TEX36: variants seen among roughly 807,000 people sequenced by gnomAD.
The protein encoded by TEX36 is testis-expressed protein 36.
In TEX36, 12 loss-of-function variants were observed where a neutral mutation model predicts 13.6. The ratio of observed to expected loss-of-function variants is 0.88; its 90% CI spans 0.56 to 1.43. The LOEUF (loss-of-function observed/expected upper bound fraction) is 1.43, where lower values mean the gene tolerates loss of function less well. Among genes scored for constraint, TEX36 ranks in the 40% most tolerant of loss-of-function variants. The pLI is 0.00. For missense variants in TEX36, 224 were observed against 228.3 expected (o/e 0.98, Z 0.12); for synonymous variants, 93 against 83.0 (o/e 1.12, Z -0.65).
intron 3 of TEX36, among the ~76,000 whole-genome samples, chr10:125,629,162 A>G (rs1457686765): frequency 6.6e-6 from 1 of 152,236 alleles, no homozygotes; most frequent in Non-Finnish European, 1.5e-5. Context: ...CATAACTGCA[A>G]TTAAGCTGGG....
At chr10:125,612,383 C>A (rs1846301979) in intron 3 of TEX36, among the ~76,000 whole-genome samples, 1 of 152,168 alleles carries the variant, frequency 6.6e-6, no homozygotes, top group African/African-American at 2.4e-5. Flanking sequence ...CGAACCCCAG[C>A]ACCCATCAAA....
intron 1 of TEX36, among the ~76,000 whole-genome samples, chr10:125,676,440 T>C (rs1191307826): frequency 6.6e-6 from 1 of 152,262 alleles, no homozygotes; most frequent in African/African-American, 2.4e-5. Flanking sequence ...TGTGCACTTT[T>C]GTTTTCCATT....
intron 3 of TEX36, among the ~76,000 whole-genome samples, chr10:125,606,911 G>A (rs1239206932): frequency 6.6e-6 from 1 of 152,150 alleles, no homozygotes; most frequent in Non-Finnish European, 1.5e-5. Context: ...TACTTGCAAG[G>A]ATAGTATCAC....
chr10:125,669,224 G>T (rs1847178284), intron 1 of TEX36, among the ~76,000 whole-genome samples: 1 of 152,172 alleles, frequency 6.6e-6, no homozygotes, highest in African/African-American at 2.4e-5. Flanking sequence ...CCAGGAGGCG[G>T]AGGTTGCAGT....
chr10:125,640,046 C>T (rs1289249400), intron 3 of TEX36: 6 of 495,028 alleles, frequency 1.2e-5, no homozygotes, highest in Middle Eastern at 1.0e-3. Flanking sequence ...CGTAGTATTC[C>T]GCTGTGGTCA....
At chr10:125,619,633 C>T (rs895351841), downstream of TEX36, among the ~76,000 whole-genome samples, 5 of 152,158 alleles carry the variant, frequency 3.3e-5, no homozygotes, top group Non-Finnish European at 5.9e-5. Context: ...TCGCTGCAAC[C>T]TCCGCCTCCC....
At chr10:125,585,241 T>C (rs1000995943) in intron 3 of TEX36, among the ~76,000 whole-genome samples, 14 of 152,180 alleles carry the variant, frequency 9.2e-5, no homozygotes, top group South Asian at 2.1e-4. Context: ...AGCTATACCA[T>C]GGACGAGTTC....
At chr10:125,668,348 A>G (rs1337359294) in intron 1 of TEX36, among the ~76,000 whole-genome samples, 8 of 151,752 alleles carry the variant, frequency 5.3e-5, no homozygotes, top group Admixed American at 5.2e-4. Context: ...CTCACTATTC[A>G]GCATTGCTCT....
chr10:125,661,733 T>C, intron 2 of TEX36, 113 bp downstream of exon 2: 5 of 1,385,892 alleles, frequency 3.6e-6, no homozygotes, highest in Non-Finnish European at 3.9e-6. Context: ...GGTCCAAGGA[T>C]AGTAAATGCG....
At chr10:125,628,919 C>T (rs772202955) in intron 3 of TEX36, among the ~76,000 whole-genome samples, 1 of 152,130 alleles carries the variant, frequency 6.6e-6, no homozygotes, top group South Asian at 2.1e-4. Flanking sequence ...GAGTTTCATG[C>T]TTTATATCCA....
intron 3 of TEX36, among the ~76,000 whole-genome samples, chr10:125,594,467 T>C (rs4962312): frequency 0.44 from 66,792 of 152,048 alleles, 14,898 homozygotes; most frequent in East Asian, 0.62. Context: ...TTCAAGATAG[T>C]GGAAGCAGCT....
chr10:125,653,237 C>T (rs1269532523), downstream of TEX36, among the ~76,000 whole-genome samples: 1 of 152,182 alleles, frequency 6.6e-6, no homozygotes, highest in Admixed American at 6.5e-5. Flanking sequence ...GGAACCAACC[C>T]AAATGTCCAT....
chr10:125,596,358 A>G (rs1423554580), intron 3 of TEX36, among the ~76,000 whole-genome samples: 1 of 152,156 alleles, frequency 6.6e-6, no homozygotes, highest in Non-Finnish European at 1.5e-5. Context: ...AGGAAGTTAG[A>G]AGGAAAGGGA....
intron 3 of TEX36, among the ~76,000 whole-genome samples, chr10:125,657,831 G>A (rs1418008662): frequency 1.3e-5 from 2 of 152,080 alleles, no homozygotes; most frequent in Non-Finnish European, 2.9e-5. Context: ...AAAGCATGCT[G>A]GAAGACTTAC....
chr10:125,652,990 G>A (rs940131729), downstream of TEX36, among the ~76,000 whole-genome samples: 6 of 152,308 alleles, frequency 3.9e-5, no homozygotes, highest in Non-Finnish European at 5.9e-5. Context: ...GGAAACAACA[G>A]GTGCTGGAGA....
chr10:125,580,033 G>A (rs192755874), intron 3 of TEX36, among the ~76,000 whole-genome samples: 3 of 152,144 alleles, frequency 2.0e-5, no homozygotes, highest in East Asian at 3.9e-4. Flanking sequence ...TACCTGTTGG[G>A]TACTTAATAA....
intron 3 of TEX36, among the ~76,000 whole-genome samples, chr10:125,610,095 TA>T (rs1213819645): frequency 6.6e-6 from 1 of 152,334 alleles, no homozygotes; most frequent in East Asian, 1.9e-4. Flanking sequence ...GAAGTTATCC[TA>T]AATAGTCTGA....
chr10:125,591,656 T>C (rs931113708), intron 3 of TEX36, among the ~76,000 whole-genome samples: 3 of 152,260 alleles, frequency 2.0e-5, no homozygotes, highest in African/African-American at 7.2e-5. Context: ...TTAGTGTTTC[T>C]GTATTAGAGC....
chr10:125,658,255 G>A (rs1846978447), intron 3 of TEX36, among the ~76,000 whole-genome samples: 1 of 151,940 alleles, frequency 6.6e-6, no homozygotes, highest in South Asian at 2.1e-4. Context: ...CAAAAAGAGA[G>A]TAATAGTGAC....
Sources: allele counts gnomAD v4.1 joint callset (sites outside exome capture counted in the v4.1 genomes callset), GRCh38; gene constraint gnomAD v4.1.1; transcripts MANE v1.5; gene names NCBI Gene and HGNC (gene_info 2026-07-23, HGNC 2026-07-21).